Variants in TMEM64 observed in about 807,000 individuals in gnomAD.
TMEM64 encodes the protein transmembrane protein 64.
TMEM64 carries 19 observed loss-of-function variants against 24.5 expected under a neutral mutation model. The ratio of observed to expected loss-of-function variants is 0.78; its 90% CI spans 0.54 to 1.14. TMEM64 has a LOEUF of 1.14. Ranked by LOEUF, TMEM64 falls within the 50% of genes most tolerant of loss-of-function variation. TMEM64 has a pLI of 0.00. For missense variants in TMEM64, 487 were observed against 493.0 expected, an observed-to-expected ratio of 0.99 and a Z score of 0.12; for synonymous variants, 262 against 224.7, an observed-to-expected ratio of 1.17 and a Z score of -1.49.
chr8:90,643,058 A>T (rs1809630741), intron 1 of TMEM64, among the ~76,000 whole-genome samples: 2 of 152,222 alleles, frequency 1.3e-5, no homozygotes, highest in South Asian at 4.1e-4. Context: ...TATATACTTA[A>T]TATGTAAGAG....
chr8:90,632,979 C>A (rs1402639045), intron 1 of TMEM64, among the ~76,000 whole-genome samples: 1 of 152,080 alleles, frequency 6.6e-6, no homozygotes, highest in Non-Finnish European at 1.5e-5. Context: ...TGGCTATTAT[C>A]AAAAAATTCT....
At chr8:90,634,987 T>C (rs1176806168) in intron 1 of TMEM64, among the ~76,000 whole-genome samples, 1 of 152,206 alleles carries the variant, frequency 6.6e-6, no homozygotes, top group Non-Finnish European at 1.5e-5. Flanking sequence ...TTGGAAAGAA[T>C]ATTACAGTGA....
At chr8:90,633,723 G>A (rs1809474370) in intron 1 of TMEM64, among the ~76,000 whole-genome samples, 1 of 152,078 alleles carries the variant, frequency 6.6e-6, no homozygotes, top group Non-Finnish European at 1.5e-5. Flanking sequence ...ATTTTGATAG[G>A]AGTAAAAATG....
rs1295313658 is a variant in TMEM64 at position 90,625,806 on chromosome 8, C to T, written c.1008G>A (p.Leu336=). The T allele has an allele frequency of 6.2e-7, 1 of 1,613,882 alleles. No individual in the cohort carries two copies. The highest frequency in any genetic ancestry group is 8.5e-7 in the Non-Finnish European group (1 of 1,179,874). ...FYVVHRAQVE[L]NAAIVACEME... ...TTTCACAAGCTACAATAGCTGCATT[C>T]AATTCCACTTGAGCTCGATGAACTA... is the stretch of plus-strand genomic sequence containing the variant. The change falls in exon 3 of 3, where the codon TTG becomes TTA. Residue 336 remains leucine (L), a synonymous_variant. Transcript: ENST00000458549.
chr8:90,634,984 G>A lies in TMEM64; in HGVS notation c.796-3277C>T, dbSNP rs116062127. Reference sequence around the variant, plus strand: ...AGATGCATCACTGCTGATTTGGAAAGAATATTACAGTGACTGGTTGTTAAC... The same window carrying A: ...AGATGCATCACTGCTGATTTGGAAAAAATATTACAGTGACTGGTTGTTAAC... On this transcript the variant is annotated intron_variant, in intron 1 of 2. Transcript: ENST00000458549. Among the ~76,000 whole-genome samples, 1,377 of 152,254 alleles carry A rather than the reference G, an allele frequency of 9.0e-3. 14 individuals carry two copies. The highest frequency in any genetic ancestry group is 0.032 in the African/African-American group (1,331 of 41,554).
rs2130516164 is a variant in TMEM64, at chr8:90,645,862, A to G, written c.44T>C (p.Leu15Pro). The part of the protein sequence containing the change: ...GGILLQALPR[L>P]LQHAALPGLA... ...GCCCGGGAGGGCGGCGTGCTGCAGC[A>G]GCCGGGGCAGCGCCTGGAGCAGGAT... Residue 15 changes from leucine to proline, a missense_variant, in exon 1 of 3, where the codon CTG becomes CCG. This residue lies in a region of TMEM64 where 419 missense variants were observed against 407.5 expected (regional missense o/e 1.03). Coordinates refer to ENST00000458549, the MANE Select transcript of TMEM64 (RefSeq NM_001008495.4). This position sits in a 1 kb window ranked among gnomAD's most constrained non-coding sequence, Gnocchi z 4.2. 2 of 1,135,884 alleles carry G rather than the reference A, an allele frequency of 1.8e-6. No homozygotes were observed. Among genetic ancestry groups the G allele is most frequent in the South Asian group, 8.5e-5 (2 of 23,514 alleles). The allele number at this position is 1,135,884 out of a possible 1,614,324, so 70.4% of individuals were successfully genotyped here.
intron 2 of TMEM64, among the ~76,000 whole-genome samples, chr8:90,628,796 T>C (rs1248167182): frequency 2.0e-5 from 3 of 152,018 alleles, no homozygotes; most frequent in African/African-American, 7.2e-5. Context: ...TCAAAGAAAA[T>C]GCTCATTCGA....
chr8:90,631,669 A>G lies in TMEM64; in HGVS notation c.834T>C (p.Ser278=). ...GCTGGGTAGGAAGCAGTCCAACCGA[A>G]GATGCCATCAGATAGTTGGGTAATG... ...DLSLPNYLMA[S]SVGLLPTQLL... is the part of the protein sequence containing the mutation. The change falls in exon 2 of 3, where the codon TCT becomes TCC. Residue 278 remains serine, a synonymous_variant. Transcript: ENST00000458549. The G allele has an allele frequency of 6.2e-7, 1 of 1,613,744 alleles. No individual in the cohort carries two copies. The highest frequency in any genetic ancestry group is 8.5e-7 in the Non-Finnish European group (1 of 1,179,664).
At chr8:90,626,352 T>TA (rs1169256710) in intron 2 of TMEM64, among the ~76,000 whole-genome samples, 2 of 152,098 alleles carry the variant, frequency 1.3e-5, no homozygotes, top group African/African-American at 2.4e-5. Context: ...ACAGACCACT[T>TA]AAAAAAATGA....
chr8:90,632,693 A>G (rs147240904), intron 1 of TMEM64, among the ~76,000 whole-genome samples: 1 of 152,154 alleles, frequency 6.6e-6, no homozygotes, highest in African/African-American at 2.4e-5. Context: ...TCCTGAGCTC[A>G]GGCAATCCGC....
Position 90,645,465 on chromosome 8 carries a change from G to A in TMEM64, c.441C>T (p.Leu147=). The change falls in exon 1 of 3, where the codon CTC becomes CTT. Residue 147 remains leucine, a synonymous_variant. Coordinates refer to ENST00000458549, the MANE Select transcript of TMEM64 (RefSeq NM_001008495.4). This position sits in a 1 kb window ranked among gnomAD's most constrained non-coding sequence, Gnocchi z 4.2. ...LALVRRYLHH[L]LLWVESLDSL... ...AGTCAAGGCTCTCCACCCACAGCAG[G>A]AGGTGGTGAAGGTAGCGGCGGACCA... 6.4e-7 allele frequency: 1 copy of A among 1,551,530 alleles called. No individual in the cohort carries two copies. Among genetic ancestry groups the A allele is most frequent in the Non-Finnish European group, 8.7e-7 (1 of 1,147,030 alleles).
chr8:90,628,429 T>C (rs1340622227), intron 2 of TMEM64, among the ~76,000 whole-genome samples: 1 of 152,214 alleles, frequency 6.6e-6, no homozygotes, highest in Non-Finnish European at 1.5e-5. Context: ...GAAGTGAAGA[T>C]AGTTTAAAAT....
In TMEM64 at chr8:90,625,305, C is replaced by T. The variant is rs918349742; in HGVS notation, c.*366G>A. 4 of 161,232 alleles carry T rather than the reference C, an allele frequency of 2.5e-5. No homozygotes were observed. The highest frequency in any genetic ancestry group is 9.6e-5 in the African/African-American group (4 of 41,772). The allele number at this position is 161,232 out of a possible 1,614,324, so 10.0% of individuals were successfully genotyped here. On this transcript the variant is annotated 3_prime_UTR_variant, in exon 3 of 3. Coordinates refer to ENST00000458549, the MANE Select transcript of TMEM64 (RefSeq NM_001008495.4). ...AACTGCATACTTTTACTCATCTTTA[C>T]AAGTAGGAAAGATGCATACAAACTA...
At position 90,633,773 on chromosome 8, in the gene TMEM64, T is replaced by C. The variant is rs1278858701; in HGVS notation, c.796-2066A>G. ...ATCTGTACTATTTTATATTGACACA[T>C]TTTCTACATATGTTTTTTATTCACA... is the stretch of plus-strand genomic sequence containing the variant. On this transcript the variant is annotated intron_variant, in intron 1 of 2. Transcript: ENST00000458549. Among the ~76,000 whole-genome samples, 4 of 152,176 alleles carry C rather than the reference T, an allele frequency of 2.6e-5. No individual in the cohort carries two copies. In the South Asian group the frequency reaches 8.3e-4, roughly 31 times the overall value.
rs1344886767 is a variant in TMEM64 at position 90,645,504 on chromosome 8, G to C, written c.402C>G (p.Phe134Leu). 1.9e-6 allele frequency: 3 copies of C among 1,550,696 alleles called. No homozygotes were observed. The Admixed American group carries it at 5.9e-5, about 30-fold the overall frequency. Residue 134 changes from phenylalanine to leucine, a missense_variant, in exon 1 of 3, where the codon TTC becomes TTG. Phe to Leu is a conservative substitution (Grantham distance 22, BLOSUM62 0). Transcript: ENST00000458549. This position sits in a 1 kb window ranked among gnomAD's most constrained non-coding sequence, Gnocchi z 4.2. Reference protein sequence around the residue: ...VLVCVLAALCFASLALVRRYL... With the variant: ...VLVCVLAALCLASLALVRRYL... Reference sequence around the variant, plus strand: ...AGCGGCGGACCAGGGCCAGGGAAGCGAAGCACAGGGCGGCCAACACGCAGA... The same window carrying C: ...AGCGGCGGACCAGGGCCAGGGAAGCCAAGCACAGGGCGGCCAACACGCAGA...
intron 1 of TMEM64, among the ~76,000 whole-genome samples, chr8:90,638,015 G>GCACCTTCTCTGGGGAAATCTATC (rs1809548263): frequency 6.6e-6 from 1 of 152,002 alleles, no homozygotes; most frequent in Non-Finnish European, 1.5e-5. Flanking sequence ...CTTGTCAACC[G>GCACCTTCTCTGGGGAAATCTATC]CACCTTCTCT....
intron 2 of TMEM64, 109 bp from the exon 3 acceptor site, chr8:90,625,971 G>T (rs755753914): frequency 6.7e-5 from 50 of 740,958 alleles, no homozygotes; most frequent in Non-Finnish European, 9.8e-5. Flanking sequence ...GCTTCTCAAA[G>T]ATGGTAGGTA....
At chr8:90,642,954 A>G (rs1031363126) in intron 1 of TMEM64, among the ~76,000 whole-genome samples, 4 of 152,158 alleles carry the variant, frequency 2.6e-5, no homozygotes, top group Admixed American at 1.3e-4. Context: ...TATTGACCAC[A>G]CAATGCTAAA....
rs1409947117 is a variant in TMEM64 at position 90,645,347 on chromosome 8, A to T, written c.559T>A (p.Tyr187Asn). 6.4e-7 allele frequency: 1 copy of T among 1,555,036 alleles called. No homozygotes were observed. The change falls in exon 1 of 3, where the codon TAC (tyrosine) becomes AAC (asparagine). Residue 187 changes from tyrosine (Y) to asparagine (N), a missense_variant. Physicochemically the swap from Tyr to Asn is moderately radical, Grantham distance 143 (BLOSUM62 -2). This residue lies in a region of TMEM64 where 419 missense variants were observed against 407.5 expected (regional missense o/e 1.03). Transcript: ENST00000458549. This position sits in a 1 kb window ranked among gnomAD's most constrained non-coding sequence, Gnocchi z 4.2. ...GYIVLNVAAG[Y>N]LYGFVLGMGL... ...ATGCCCAGCACGAAGCCGTACAGGT[A>T]GCCAGCGGCCACGTTGAGCACGATG...
Sources: allele counts gnomAD v4.1 joint callset (sites outside exome capture counted in the v4.1 genomes callset), GRCh38; gene constraint gnomAD v4.1.1; regional missense constraint gnomAD v4.1.1; non-coding constraint Gnocchi (gnomAD v3.1); transcripts MANE v1.5; gene names NCBI Gene and HGNC (gene_info 2026-07-23, HGNC 2026-07-21).